PAPSS2: variants seen among roughly 807,000 people sequenced by gnomAD.
PAPSS2 encodes the protein 3'-phosphoadenosine 5'-phosphosulfate synthase 2, also known as bifunctional 3'-phosphoadenosine 5'-phosphosulfate synthase 2.
PAPSS2 carries 61 observed loss-of-function variants against 66.5 expected under a neutral mutation model. That is an observed-to-expected ratio of 0.92 (90% CI 0.75 to 1.14). The LOEUF (loss-of-function observed/expected upper bound fraction) is 1.14. Ranked by LOEUF, PAPSS2 falls within the 50% of genes most tolerant of loss-of-function variation. The pLI is 0.00. For missense variants in PAPSS2, 708 were observed against 789.6 expected, an observed-to-expected ratio of 0.90 and a Z score of 1.24; for synonymous variants, 289 against 287.5, an observed-to-expected ratio of 1.01 and a Z score of -0.05.
At position 87,706,138 on chromosome 10, in the gene PAPSS2, GTGTA is replaced by G. The variant is rs1306027553; in HGVS notation, c.28-3056_28-3053del. Reference sequence around the variant, plus strand: ...TGTGTGTGTGTGTGTGTGTGTGTGTGTGTATATATATACCCTCTCCCTCAGAGAG... The same window carrying G: ...TGTGTGTGTGTGTGTGTGTGTGTGTGTATATATACCCTCTCCCTCAGAGAG... On this transcript the variant is annotated intron_variant, in intron 1 of 12. Transcript: ENST00000456849. 3.0e-3 allele frequency among the ~76,000 whole-genome samples: 381 copies of G among 125,248 alleles called. 4 individuals are homozygous for G. The highest frequency in any genetic ancestry group is 9.1e-3 in the East Asian group (32 of 3,520). The allele number at this position is 125,248 out of a possible 152,430, so 82.2% of individuals were successfully genotyped here. A position where few individuals can be genotyped will look rare whatever the true frequency, so the allele number is the denominator to read the frequency against.
intron 1 of PAPSS2, among the ~76,000 whole-genome samples, chr10:87,703,276 C>CGTGTGTGTGTGT (rs10673718): frequency 6.9e-6 from 1 of 145,476 alleles, no homozygotes; most frequent in Non-Finnish European, 1.5e-5. Flanking sequence ...AACAACATTG[C>CGTGTGTGTGTGT]GTGTGTGTGT....
intron 9 of PAPSS2, among the ~76,000 whole-genome samples, chr10:87,729,660 T>G (rs1853704317): frequency 6.6e-6 from 1 of 152,178 alleles, no homozygotes; most frequent in African/African-American, 2.4e-5. Context: ...CATCTCTCAC[T>G]TTAAATCAAA....
intron 7 of PAPSS2, among the ~76,000 whole-genome samples, chr10:87,719,925 G>A (rs527892189): frequency 1.3e-5 from 2 of 151,870 alleles, no homozygotes; most frequent in African/African-American, 4.8e-5. Context: ...TCGCTCTGTT[G>A]CCCAGGCTGG....
intron 2 of PAPSS2, among the ~76,000 whole-genome samples, chr10:87,712,574 G>A (rs1180006870): frequency 6.6e-6 from 1 of 152,102 alleles, no homozygotes; most frequent in Admixed American, 6.5e-5. Context: ...TCCTACCTCA[G>A]CCTCCTGAGT....
chr10:87,739,802 G>A (rs1156848902), intron 9 of PAPSS2, among the ~76,000 whole-genome samples: 1 of 152,202 alleles, frequency 6.6e-6, no homozygotes, highest in Non-Finnish European at 1.5e-5. Flanking sequence ...TCATCATCAT[G>A]CACTTGCAGT....
intron 1 of PAPSS2, among the ~76,000 whole-genome samples, chr10:87,675,103 C>T (rs946278232): frequency 7.9e-5 from 12 of 152,194 alleles, no homozygotes; most frequent in Admixed American, 2.0e-4. Context: ...GAGGGACGGC[C>T]TTTATTTTGT....
chr10:87,670,006 G>A (rs750851952), intron 1 of PAPSS2, among the ~76,000 whole-genome samples: 1 of 152,204 alleles, frequency 6.6e-6, no homozygotes, highest in Non-Finnish European at 1.5e-5. Flanking sequence ...ATTCTATTGA[G>A]AAGCATTCCC....
At chr10:87,673,738 A>G (rs1589419485) in intron 1 of PAPSS2, among the ~76,000 whole-genome samples, 1 of 111,934 alleles carries the variant, frequency 8.9e-6, no homozygotes, top group Admixed American at 1.2e-4. Context: ...GCTTGGTACC[A>G]CTTCGTTTTA....
At chr10:87,674,316 C>T (rs1010396819) in intron 1 of PAPSS2, among the ~76,000 whole-genome samples, 3 of 152,168 alleles carry the variant, frequency 2.0e-5, no homozygotes, top group African/African-American at 7.2e-5. Context: ...AGGCACGTGC[C>T]ACCACACCCG....
At chr10:87,700,891 C>T (rs938024516) in intron 1 of PAPSS2, among the ~76,000 whole-genome samples, 14 of 151,694 alleles carry the variant, frequency 9.2e-5, no homozygotes, top group African/African-American at 2.7e-4. Context: ...GAAATAAAAT[C>T]GATCCATGTA....
At chr10:87,742,584 GA>G (rs928902147) in intron 10 of PAPSS2, among the ~76,000 whole-genome samples, 4 of 151,468 alleles carry the variant, frequency 2.6e-5, no homozygotes, top group African/African-American at 9.7e-5. Flanking sequence ...TTCATTATCA[GA>G]AAAAAAAATT....
At chr10:87,681,940 C>T (rs1186118472) in intron 1 of PAPSS2, among the ~76,000 whole-genome samples, 2 of 152,056 alleles carry the variant, frequency 1.3e-5, no homozygotes, top group Non-Finnish European at 2.9e-5. Context: ...TATCCATTAA[C>T]AGGTTGATGG....
At chr10:87,661,085 A>G (rs756886694) in intron 1 of PAPSS2, 24 of 454,110 alleles carry the variant, frequency 5.3e-5, no homozygotes, top group Admixed American at 9.5e-5. Flanking sequence ...ATTCTTATAT[A>G]ATGTGTATTA....
chr10:87,682,663 T>A (rs144605575), intron 1 of PAPSS2, among the ~76,000 whole-genome samples: 143 of 152,246 alleles, frequency 9.4e-4, no homozygotes, highest in African/African-American at 3.1e-3. Flanking sequence ...CCTCAACCCA[T>A]CTGCATCAAA....
intron 1 of PAPSS2, among the ~76,000 whole-genome samples, chr10:87,696,400 C>T (rs951426037): frequency 1.3e-5 from 2 of 152,140 alleles, no homozygotes; most frequent in Non-Finnish European, 2.9e-5. Flanking sequence ...ATACAAAGGG[C>T]TGAATGAAAA....
intron 1 of PAPSS2, among the ~76,000 whole-genome samples, chr10:87,702,394 A>G (rs755913574): frequency 8.5e-5 from 13 of 152,130 alleles, no homozygotes; most frequent in Non-Finnish European, 1.8e-4. Context: ...CTCAGTCTCT[A>G]TGGCTCCCAG....
chr10:87,744,759 A>C (rs1003290763), intron 11 of PAPSS2, among the ~76,000 whole-genome samples: 1 of 152,226 alleles, frequency 6.6e-6, no homozygotes, highest in African/African-American at 2.4e-5. Context: ...TGTTTGGAGA[A>C]GAGATGAGGA....
chr10:87,698,320 G>T lies in PAPSS2; in HGVS notation c.28-10876G>T, dbSNP rs114181325. 6.6e-3 allele frequency among the ~76,000 whole-genome samples: 1,012 copies of T among 152,184 alleles called. 10 individuals are homozygous for T. Among genetic ancestry groups the T allele is most frequent in the African/African-American group, 0.023 (941 of 41,538 alleles). On this transcript the variant is annotated intron_variant, in intron 1 of 12. Coordinates refer to ENST00000456849, the MANE Select transcript of PAPSS2 (RefSeq NM_001015880.2). ...GAATTGAAGAAAATGATAATTTTTG[G>T]TTTTAAAGAAATTCTACTATAGCTT...
chr10:87,729,615 G>A (rs146273727), intron 9 of PAPSS2, among the ~76,000 whole-genome samples: 62 of 152,200 alleles, frequency 4.1e-4, no homozygotes, highest in African/African-American at 1.5e-3. Context: ...ACCCTGCAAT[G>A]GCCTCTAAGT....
Sources: allele counts gnomAD v4.1 joint callset (sites outside exome capture counted in the v4.1 genomes callset), GRCh38; gene constraint gnomAD v4.1.1; transcripts MANE v1.5; gene names NCBI Gene and HGNC (gene_info 2026-07-23, HGNC 2026-07-21).